SLC4A5: variants seen among roughly 807,000 people sequenced by gnomAD.
SLC4A5 encodes electrogenic sodium bicarbonate cotransporter 4.
A neutral mutation model predicts 120.4 loss-of-function variants in SLC4A5; 96 were observed. That is an observed-to-expected ratio of 0.80 (90% confidence interval 0.68 to 0.94). SLC4A5 has a LOEUF of 0.94. Among genes scored for constraint, SLC4A5 ranks in the 40% least tolerant of loss-of-function variants. The pLI, the probability that SLC4A5 is intolerant of heterozygous loss-of-function variation, is 0.00. For missense variants in SLC4A5, 1,259 were observed against 1,459.5 expected, an observed-to-expected ratio of 0.86 and a Z score of 2.24; for synonymous variants, 550 against 571.1, an observed-to-expected ratio of 0.96 and a Z score of 0.53.
At chr2:74,295,101 T>C (rs1672287567) in intron 7 of SLC4A5, among the ~76,000 whole-genome samples, 1 of 151,482 alleles carries the variant, frequency 6.6e-6, no homozygotes, top group African/African-American at 2.4e-5. Flanking sequence ...AGGTAAATCA[T>C]ATGACAGGTA....
intron 14 of SLC4A5, 130 bp downstream of exon 14, chr2:74,254,489 G>T: frequency 1.4e-6 from 1 of 709,806 alleles, no homozygotes; most frequent in Non-Finnish European, 2.5e-6. Flanking sequence ...ATAATCTTTA[G>T]CATCCTATGT....
In SLC4A5 at chr2:74,286,228, C is replaced by T. The variant is rs187984255; in HGVS notation, c.272-326G>A. Among the ~76,000 whole-genome samples the T allele has an allele frequency of 1.5e-3, 223 of 152,312 alleles. 1 individual carries two copies. The highest frequency in any genetic ancestry group is 2.1e-3 in the Non-Finnish European group (145 of 68,018). On this transcript the variant is annotated intron_variant, in intron 7 of 30. Coordinates refer to ENST00000394019, the Ensembl canonical transcript of SLC4A5. ...AAGAGAGAAGTGAGAAGCACTCTGA[C>T]CCAACTTCAGCTTACCACCCGAGGG...
At chr2:74,322,662 T>G (rs1156425171) in intron 5 of SLC4A5, among the ~76,000 whole-genome samples, 1 of 152,194 alleles carries the variant, frequency 6.6e-6, no homozygotes, top group South Asian at 2.1e-4. Context: ...TGAGGTATTT[T>G]ATTATTAAAT....
chr2:74,324,770 G>A (rs939032882), intron 5 of SLC4A5, among the ~76,000 whole-genome samples: 13 of 151,980 alleles, frequency 8.6e-5, no homozygotes, highest in African/African-American at 2.7e-4. Flanking sequence ...AAGGCCATGT[G>A]ACCCAGGCTG....
At chr2:74,275,830 G>C (rs547661928) in intron 8 of SLC4A5, among the ~76,000 whole-genome samples, 3 of 152,266 alleles carry the variant, frequency 2.0e-5, no homozygotes, top group Non-Finnish European at 4.4e-5. Context: ...TCATTGTACA[G>C]GTGAGGAGAC....
At chr2:74,322,419 A>G (rs936468480) in intron 5 of SLC4A5, among the ~76,000 whole-genome samples, 2 of 152,144 alleles carry the variant, frequency 1.3e-5, no homozygotes, top group Admixed American at 6.5e-5. Flanking sequence ...AACACTACCA[A>G]TATTGATTAT....
rs771040081 is a variant in SLC4A5, at chr2:74,262,263, C to T, written c.716-31G>A. The T allele has an allele frequency of 6.2e-5, 99 of 1,601,538 alleles. 1 individual carries two copies. The East Asian group carries it at 1.4e-3, about 22-fold the overall frequency. ...AGGAGAATCAGAAGGGACTTGGCTTCGACAGCCTTGCTGGTGTAGCGAAGC... is the reference window on the plus strand; with the variant it reads ...AGGAGAATCAGAAGGGACTTGGCTTTGACAGCCTTGCTGGTGTAGCGAAGC... On this transcript the variant is annotated intron_variant, in intron 10 of 30. Coordinates refer to ENST00000394019, the Ensembl canonical transcript of SLC4A5.
chr2:74,310,653 T>G (rs1212407869), intron 6 of SLC4A5, among the ~76,000 whole-genome samples: 1 of 152,188 alleles, frequency 6.6e-6, no homozygotes, highest in African/African-American at 2.4e-5. Flanking sequence ...GATAAATCCT[T>G]TTGGGTCATG....
intron 29 of SLC4A5, 39 bp downstream of exon 29, chr2:74,222,829 T>G: frequency 6.6e-7 from 1 of 1,504,622 alleles, no homozygotes; most frequent in Non-Finnish European, 9.3e-7. Context: ...CATGGAGGAC[T>G]AGTAGTAAGA....
intron 21 of SLC4A5, among the ~76,000 whole-genome samples, chr2:74,237,215 A>G (rs971568891): frequency 2.0e-5 from 3 of 152,108 alleles, no homozygotes; most frequent in African/African-American, 7.2e-5. Flanking sequence ...TGCCTTCGTG[A>G]TCCGCCTGCC....
In SLC4A5 at chr2:74,278,392, G is replaced by C. The variant is rs762894214; in HGVS notation, c.401+7381C>G. 1.7e-3 allele frequency among the ~76,000 whole-genome samples: 255 copies of C among 152,300 alleles called. 3 individuals carry two copies. The highest frequency in any genetic ancestry group is 3.4e-3 in the Middle Eastern group (1 of 294). ...GCGTGATGGCCTTGTGTCACTGCCT[G>C]GCTGTCCCCATGGGTGTGGACTTGT... On this transcript the variant is annotated intron_variant, in intron 8 of 30. Coordinates refer to ENST00000394019, the Ensembl canonical transcript of SLC4A5.
At chr2:74,277,113 T>C (rs969556441) in intron 8 of SLC4A5, among the ~76,000 whole-genome samples, 3 of 152,130 alleles carry the variant, frequency 2.0e-5, no homozygotes, top group African/African-American at 7.2e-5. Flanking sequence ...CTTCTGTTAC[T>C]TGTAGCCCCA....
chr2:74,305,019 A>G (rs755968798), intron 6 of SLC4A5, among the ~76,000 whole-genome samples: 3 of 152,238 alleles, frequency 2.0e-5, no homozygotes, highest in Non-Finnish European at 2.9e-5. Context: ...TCACAGATGT[A>G]GTTCAAAATG....
intron 30 of SLC4A5, among the ~76,000 whole-genome samples, chr2:74,220,555 T>A (rs150768715): frequency 6.6e-6 from 1 of 152,060 alleles, no homozygotes; most frequent in African/African-American, 2.4e-5. Flanking sequence ...CTTGCTCTGT[T>A]GCCCAGGCTG....
chr2:74,243,445 T>C (rs1215299111), intron 19 of SLC4A5, among the ~76,000 whole-genome samples: 1 of 152,224 alleles, frequency 6.6e-6, no homozygotes, highest in East Asian at 1.9e-4. Context: ...AGAATATTCC[T>C]AGAAGCTCTA....
At chr2:74,290,606 G>GA (rs1364473433) in intron 7 of SLC4A5, 3 of 977,574 alleles carry the variant, frequency 3.1e-6, no homozygotes, top group South Asian at 4.7e-5. Context: ...GAGAGACAGA[G>GA]AGAGAGACAG....
intron 7 of SLC4A5, chr2:74,290,406 G>C: frequency 1.0e-6 from 1 of 985,412 alleles, no homozygotes; most frequent in South Asian, 4.7e-5. Flanking sequence ...GGAGGTGTGG[G>C]GAGAGAAGAA....
At chr2:74,306,297 C>A (rs1446076174) in intron 6 of SLC4A5, among the ~76,000 whole-genome samples, 1 of 152,210 alleles carries the variant, frequency 6.6e-6, no homozygotes, top group African/African-American at 2.4e-5. Flanking sequence ...CCCCTCTGGC[C>A]AGAGAGATGT....
chr2:74,311,456 G>A (rs1298511487), intron 6 of SLC4A5, among the ~76,000 whole-genome samples: 3 of 151,940 alleles, frequency 2.0e-5, no homozygotes, highest in Non-Finnish European at 2.9e-5. Flanking sequence ...TTTCCTCTAA[G>A]CACTGCTTTT....
Sources: gnomAD v4.1 joint callset for allele counts (sites outside exome capture counted in the v4.1 genomes callset) on GRCh38, gnomAD v4.1.1 for gene constraint, MANE v1.5 for transcripts, NCBI Gene and HGNC (gene_info 2026-07-23, HGNC 2026-07-21) for gene names.